Variants in AKAP13 observed in about 807,000 individuals in gnomAD.
AKAP13 encodes the protein A-kinase anchoring protein 13.
In AKAP13, 80 loss-of-function variants were observed where a neutral mutation model predicts 264.5. That is an observed-to-expected ratio of 0.30 (90% CI 0.25 to 0.36). AKAP13 has a LOEUF of 0.36. Among genes scored for constraint, AKAP13 ranks in the 10% least tolerant of loss-of-function variants. AKAP13 has a pLI of 1.00. For synonymous variants in AKAP13, 1,380 were observed against 1,250.2 expected, an observed-to-expected ratio of 1.10 and a Z score of -2.19; for missense variants, 3,712 against 3,435.2, an observed-to-expected ratio of 1.08 and a Z score of -2.01.
chr15:85,729,395 G>A (rs556179516), intron 29 of AKAP13, among the ~76,000 whole-genome samples: 1 of 152,266 alleles, frequency 6.6e-6, no homozygotes, highest in East Asian at 1.9e-4. Flanking sequence ...CAGGTGACCT[G>A]GAAGATGAAG....
chr15:85,614,921 G>A (rs1275704646), intron 8 of AKAP13, among the ~76,000 whole-genome samples: 1 of 152,158 alleles, frequency 6.6e-6, no homozygotes, highest in Non-Finnish European at 1.5e-5. Flanking sequence ...AATAAATCTT[G>A]CTCCAGAAGA....
intron 1 of AKAP13, among the ~76,000 whole-genome samples, chr15:85,472,203 A>AG (rs1186861724): frequency 1.4e-5 from 2 of 140,198 alleles, no homozygotes; most frequent in East Asian, 4.0e-4. Flanking sequence ...TAGGTTAAAA[A>AG]AAAAACAAAA....
At chr15:85,507,956 A>G (rs2076289467) in intron 2 of AKAP13, among the ~76,000 whole-genome samples, 1 of 152,110 alleles carries the variant, frequency 6.6e-6, no homozygotes, top group Non-Finnish European at 1.5e-5. Flanking sequence ...CCTGGCAAGG[A>G]TATATTCCTA....
chr15:85,611,406 C>G (rs1248686498), intron 8 of AKAP13, among the ~76,000 whole-genome samples: 1 of 152,204 alleles, frequency 6.6e-6, no homozygotes, highest in Non-Finnish European at 1.5e-5. Flanking sequence ...CCGCCCTTTA[C>G]CTAGTTGTTC....
At chr15:85,483,304 A>C (rs940062660) in intron 1 of AKAP13, among the ~76,000 whole-genome samples, 2 of 152,202 alleles carry the variant, frequency 1.3e-5, no homozygotes, top group African/African-American at 4.8e-5. Flanking sequence ...GAAGGCTTTG[A>C]ATGTGGCCCA....
intron 16 of AKAP13, 63 bp from the exon 17 acceptor site, chr15:85,693,214 C>A: frequency 4.8e-6 from 7 of 1,455,500 alleles, no homozygotes; most frequent in Non-Finnish European, 6.3e-6. Context: ...ATCTGGGTGC[C>A]CAGGTAAGGA....
chr15:85,514,819 T>C (rs901014694), intron 2 of AKAP13, among the ~76,000 whole-genome samples: 3 of 124,772 alleles, frequency 2.4e-5, no homozygotes, highest in Non-Finnish European at 5.1e-5. Context: ...ATACAAGCAG[T>C]GTTGGTTAAT....
intron 1 of AKAP13, among the ~76,000 whole-genome samples, chr15:85,447,879 A>G (rs923797927): frequency 1.3e-5 from 2 of 152,160 alleles, no homozygotes; most frequent in African/African-American, 4.8e-5. Context: ...TCCTCTGGGT[A>G]TATACTCAAT....
At chr15:85,404,502 A>C (rs1270888020) in intron 1 of AKAP13, among the ~76,000 whole-genome samples, 1 of 152,184 alleles carries the variant, frequency 6.6e-6, no homozygotes, top group Non-Finnish European at 1.5e-5. Context: ...TGGAGGCTAG[A>C]CCCTAGGGAC....
At chr15:85,470,568 T>G (rs2074924271) in intron 1 of AKAP13, among the ~76,000 whole-genome samples, 1 of 152,240 alleles carries the variant, frequency 6.6e-6, no homozygotes, top group Non-Finnish European at 1.5e-5. Context: ...CAAGGTTCTT[T>G]CAAATTCTTA....
chr15:85,443,784 TG>T (rs1174318961), intron 1 of AKAP13, among the ~76,000 whole-genome samples: 2 of 150,954 alleles, frequency 1.3e-5, no homozygotes, highest in Non-Finnish European at 3.0e-5. Context: ...TGTGTGTGTG[TG>T]TGTGTGTGTG....
chr15:85,672,760 T>C (rs1412380280), intron 14 of AKAP13, among the ~76,000 whole-genome samples: 1 of 152,244 alleles, frequency 6.6e-6, no homozygotes, highest in Admixed American at 6.5e-5. Flanking sequence ...TCTGACTTCA[T>C]TTGAAGTCCA....
chr15:85,612,078 C>T (rs1356082903), intron 8 of AKAP13, among the ~76,000 whole-genome samples: 1 of 152,140 alleles, frequency 6.6e-6, no homozygotes, highest in Non-Finnish European at 1.5e-5. Context: ...TACTGAAAAG[C>T]TTATTGAAGA....
intron 5 of AKAP13, among the ~76,000 whole-genome samples, chr15:85,562,991 C>G (rs1037715303): frequency 6.6e-5 from 10 of 151,428 alleles, no homozygotes; most frequent in African/African-American, 2.4e-4. Flanking sequence ...TGGGATTACA[C>G]GTGTGAGCCA....
chr15:85,545,804 T>A (rs1295296659), intron 5 of AKAP13, among the ~76,000 whole-genome samples: 1 of 152,224 alleles, frequency 6.6e-6, no homozygotes, highest in South Asian at 2.1e-4. Flanking sequence ...ATTTTGTTAT[T>A]GGTTTTCTTT....
At chr15:85,577,015 T>C (rs11630112) in intron 6 of AKAP13, among the ~76,000 whole-genome samples, 30,921 of 152,226 alleles carry the variant, frequency 0.2, 4,158 homozygotes, top group Middle Eastern at 0.41. Context: ...TGACTTCATT[T>C]CCTGATTTTT....
intron 2 of AKAP13, among the ~76,000 whole-genome samples, chr15:85,506,498 GC>G (rs1270490359): frequency 1.3e-5 from 2 of 151,578 alleles, no homozygotes; most frequent in African/African-American, 4.9e-5. Context: ...ATAAATACAT[GC>G]TTTTAGAATT....
chr15:85,417,222 CT>C (rs1332188748), intron 1 of AKAP13, among the ~76,000 whole-genome samples: 3 of 152,116 alleles, frequency 2.0e-5, no homozygotes, highest in Non-Finnish European at 4.4e-5. Context: ...CAGGAGCCAG[CT>C]TTCTTTAATA....
intron 1 of AKAP13, among the ~76,000 whole-genome samples, chr15:85,483,367 C>A (rs1396803777): frequency 6.6e-6 from 1 of 152,220 alleles, no homozygotes; most frequent in Non-Finnish European, 1.5e-5. Context: ...TGGCTTACGC[C>A]TGTAATCCCA....
Sources: gnomAD v4.1 joint callset for allele counts (sites outside exome capture counted in the v4.1 genomes callset) on GRCh38, gnomAD v4.1.1 for gene constraint, MANE v1.5 for transcripts, NCBI Gene and HGNC (gene_info 2026-07-23, HGNC 2026-07-21) for gene names.